DYDC2: variants seen among roughly 807,000 people sequenced by gnomAD.
DYDC2 encodes the protein DPY30 domain containing 2.
Under a neutral mutation model 18.7 loss-of-function variants are expected in DYDC2, and 19 were observed. The ratio of observed to expected loss-of-function variants is 1.02; its 90% CI spans 0.71 to 1.49. The LOEUF is 1.49. DYDC2 is among the 40% of genes most tolerant of loss of function. The probability of loss-of-function intolerance (pLI) is 0.00; values close to 1 mark genes in which losing one functional copy is unlikely to be tolerated. For synonymous variants in DYDC2, 63 were observed against 67.6 expected, an observed-to-expected ratio of 0.93 and a Z score of 0.34; for missense variants, 179 against 205.1, an observed-to-expected ratio of 0.87 and a Z score of 0.78.
At chr10:80,365,084 G>A (rs1384829098) in intron 4 of DYDC2, among the ~76,000 whole-genome samples, 1 of 152,156 alleles carries the variant, frequency 6.6e-6, no homozygotes, top group Non-Finnish European at 1.5e-5. Flanking sequence ...AATTTCAGCA[G>A]GGCTGCTAGT....
intron 2 of DYDC2, among the ~76,000 whole-genome samples, chr10:80,358,327 G>A (rs1181189232): frequency 6.6e-6 from 1 of 152,028 alleles, no homozygotes; most frequent in Non-Finnish European, 1.5e-5. Flanking sequence ...GCAGTAAGAC[G>A]AGATTGTGCC....
intron 4 of DYDC2, among the ~76,000 whole-genome samples, chr10:80,364,943 G>C (rs1479911122): frequency 6.6e-6 from 1 of 152,172 alleles, no homozygotes; most frequent in African/African-American, 2.4e-5. Flanking sequence ...AAAAAGACAA[G>C]ATTCCAAGTT....
intron 4 of DYDC2, 142 bp downstream of exon 4, chr10:80,363,215 A>G (rs1466349740): frequency 1.4e-6 from 1 of 693,544 alleles, no homozygotes; most frequent in Non-Finnish European, 2.2e-6. Flanking sequence ...AAGTATTCAC[A>G]TATTTGCATA....
intron 1 of DYDC2, among the ~76,000 whole-genome samples, chr10:80,350,390 A>T (rs1842916073): frequency 6.6e-6 from 1 of 152,242 alleles, no homozygotes; most frequent in Admixed American, 6.5e-5. Flanking sequence ...TTTGATAGAC[A>T]GGAACAGATA....
chr10:80,346,747 A>T (rs141733600), intron 1 of DYDC2, among the ~76,000 whole-genome samples: 6,536 of 151,716 alleles, frequency 0.043, 164 homozygotes, highest in Middle Eastern at 0.13. Flanking sequence ...GGTGTGAGCC[A>T]CTGCCCCCGG....
chr10:80,357,980 G>A lies in DYDC2; in HGVS notation c.-75G>A. Reference sequence around the variant, plus strand: ...CCTTGCCTACTGAGTGCAAGTCCAGGAACTGTGTAAGCAGACCCTCAGAGG... The same window carrying A: ...CCTTGCCTACTGAGTGCAAGTCCAGAAACTGTGTAAGCAGACCCTCAGAGG... On this transcript the variant is annotated 5_prime_UTR_variant, in exon 2 of 5. Transcript: ENST00000256039. 1.0e-6 allele frequency: 1 copy of A among 985,476 alleles called. No individual in the cohort carries two copies. The highest frequency in any genetic ancestry group is 1.2e-6 in the Non-Finnish European group (1 of 830,008). 61.0% of individuals were successfully genotyped at this position (985,476 alleles called of 1,614,324 possible).
intron 1 of DYDC2, among the ~76,000 whole-genome samples, chr10:80,346,589 T>C (rs919192281): frequency 1.3e-5 from 2 of 151,468 alleles, no homozygotes; most frequent in African/African-American, 4.9e-5. Context: ...GCCTCCTGAG[T>C]AGCTGGGACT....
At chr10:80,364,925 G>A (rs1470213617) in intron 4 of DYDC2, among the ~76,000 whole-genome samples, 1 of 152,202 alleles carries the variant, frequency 6.6e-6, no homozygotes, top group Non-Finnish European at 1.5e-5. Flanking sequence ...AAGAGGCACA[G>A]GTGTATCAAA....
At chr10:80,360,653 G>T (rs1490384467) in intron 2 of DYDC2, among the ~76,000 whole-genome samples, 1 of 151,842 alleles carries the variant, frequency 6.6e-6, no homozygotes, top group Non-Finnish European at 1.5e-5. Flanking sequence ...TCAAAATTAA[G>T]AAATTTAACT....
At chr10:80,347,438 G>C (rs1842736376) in intron 1 of DYDC2, among the ~76,000 whole-genome samples, 1 of 152,046 alleles carries the variant, frequency 6.6e-6, no homozygotes, top group Non-Finnish European at 1.5e-5. Context: ...TGCTGTGCAA[G>C]AGCATTTTAG....
At chr10:80,362,883 G>A in intron 3 of DYDC2, 68 bp from the exon 4 acceptor site, 1 of 1,569,296 alleles carries the variant, frequency 6.4e-7, no homozygotes, top group Non-Finnish European at 8.6e-7. Flanking sequence ...TCAGTCCCCA[G>A]TGAGGGGGCC....
intron 2 of DYDC2, among the ~76,000 whole-genome samples, chr10:80,358,942 T>C (rs928567590): frequency 7.2e-5 from 11 of 152,294 alleles, no homozygotes; most frequent in Admixed American, 5.9e-4. Context: ...TGCAGACCTT[T>C]GCAGTGAGTG....
chr10:80,346,444 CTTTTT>C (rs1032729095), intron 1 of DYDC2, among the ~76,000 whole-genome samples: 134 of 83,344 alleles, frequency 1.6e-3, no homozygotes, highest in African/African-American at 2.5e-3. Flanking sequence ...TCTTCCCTTT[CTTTTT>C]TTTTTTTTTT....
chr10:80,358,148 T>C, intron 2 of DYDC2, 103 bp downstream of exon 2: 1 of 814,178 alleles, frequency 1.2e-6, no homozygotes, highest in Non-Finnish European at 1.5e-6. Flanking sequence ...GAGGCGGAGG[T>C]GGGCGGATCA....
In DYDC2 at chr10:80,363,515, T is replaced by C. The variant is rs1428300577; in HGVS notation, c.270+442T>C. 2.7e-5 allele frequency among the ~76,000 whole-genome samples: 4 copies of C among 150,280 alleles called. No individual in the cohort carries two copies. In the East Asian group the frequency reaches 7.8e-4, roughly 29 times the overall value. ...ACATGCCACCACGCCCGGCTAATTTTTTTTTTTTTTTTTTAGTAGAGACAG... is the reference window on the plus strand; with the variant it reads ...ACATGCCACCACGCCCGGCTAATTTCTTTTTTTTTTTTTTAGTAGAGACAG... On this transcript the variant is annotated intron_variant, in intron 4 of 4. Transcript: ENST00000256039.
chr10:80,352,352 T>C (rs921924683), upstream of DYDC2: 1 of 1,352,100 alleles, frequency 7.4e-7, no homozygotes, highest in Non-Finnish European at 9.6e-7. Flanking sequence ...ATAATAAACA[T>C]TATTTTTATA....
intron 2 of DYDC2, among the ~76,000 whole-genome samples, chr10:80,361,778 G>T (rs550229955): frequency 6.6e-6 from 1 of 152,246 alleles, no homozygotes; most frequent in Non-Finnish European, 1.5e-5. Flanking sequence ...CTTCAAGCTG[G>T]CTTCTCTGTC....
intron 1 of DYDC2, among the ~76,000 whole-genome samples, chr10:80,357,392 G>T (rs1843450238): frequency 6.6e-6 from 1 of 152,034 alleles, no homozygotes; most frequent in Admixed American, 6.6e-5. Flanking sequence ...GAAACCTGGA[G>T]GAGTAGGGGC....
At chr10:80,348,945 G>A (rs1842824755) in intron 1 of DYDC2, among the ~76,000 whole-genome samples, 1 of 152,070 alleles carries the variant, frequency 6.6e-6, no homozygotes, top group South Asian at 2.1e-4. Flanking sequence ...AGGCTGGACT[G>A]CAGTGGCGCG....
Sources: gnomAD v4.1 joint callset for allele counts (sites outside exome capture counted in the v4.1 genomes callset) on GRCh38, gnomAD v4.1.1 for gene constraint, MANE v1.5 for transcripts, NCBI Gene and HGNC (gene_info 2026-07-23, HGNC 2026-07-21) for gene names.